Variants in TMIGD3 observed in about 807,000 individuals in gnomAD.
TMIGD3 encodes the protein transmembrane and immunoglobulin domain containing 3, also known as AD026 protein (AD026).
Under a neutral mutation model 28.1 loss-of-function variants are expected in TMIGD3, and 21 were observed. That is an observed-to-expected ratio of 0.75 (90% CI 0.53 to 1.08). The LOEUF (loss-of-function observed/expected upper bound fraction) is 1.08. Among genes scored for constraint, TMIGD3 ranks in the 50% least tolerant of loss-of-function variants. TMIGD3 has a pLI of 0.00. For missense variants in TMIGD3, 416 were observed against 435.6 expected (o/e 0.96, Z 0.40); for synonymous variants, 151 against 162.1 (o/e 0.93, Z 0.52).
At chr1:111,501,398 A>G (rs2100979481) in intron 1 of TMIGD3, 1 of 152,340 alleles carries the variant, frequency 6.6e-6, no homozygotes, top group East Asian at 1.9e-4. Flanking sequence ...ATAGTTAAGT[A>G]TCAGTAGATT....
intron 4 of TMIGD3, 74 bp from the exon 5 acceptor site, chr1:111,485,914 T>G (rs574298378): frequency 8.1e-7 from 1 of 1,238,414 alleles, no homozygotes; most frequent in Non-Finnish European, 1.2e-6. Context: ...GGATCCCTTT[T>G]TCTGGGATTT....
intron 3 of TMIGD3, among the ~76,000 whole-genome samples, chr1:111,487,935 G>A (rs1042629863): frequency 6.6e-6 from 1 of 151,578 alleles, no homozygotes; most frequent in African/African-American, 2.4e-5. Flanking sequence ...CTCCTGAGTA[G>A]CTGGGACTAC....
chr1:111,523,795 G>T lies in TMIGD3; in HGVS notation c.108-33033C>A, dbSNP rs141664225. On this transcript the variant is annotated intron_variant, in intron 1 of 5. Transcript: ENST00000369717. ...TATCCTTTCAGTGTGTGTGGGAGCC[G>T]TAGTTATGTGCCCTTTTTAATTCTT... Among the ~76,000 whole-genome samples the T allele has an allele frequency of 2.3e-3, 351 of 151,978 alleles. 3 individuals are homozygous for T. Among genetic ancestry groups the T allele is most frequent in the African/African-American group, 8.2e-3 (339 of 41,498 alleles).
intron 1 of TMIGD3, among the ~76,000 whole-genome samples, chr1:111,514,467 G>A (rs941939575): frequency 1.3e-5 from 2 of 152,070 alleles, no homozygotes; most frequent in Admixed American, 6.5e-5. Context: ...GGAAGTCAGG[G>A]AGGTCAAGCC....
chr1:111,555,177 C>T (rs568667561), intron 1 of TMIGD3, among the ~76,000 whole-genome samples: 75 of 151,692 alleles, frequency 4.9e-4, no homozygotes, highest in African/African-American at 1.7e-3. Context: ...ACTAGCCTGG[C>T]CAACGTGACA....
chr1:111,530,948 G>T (rs552854928), intron 1 of TMIGD3, among the ~76,000 whole-genome samples: 6 of 152,260 alleles, frequency 3.9e-5, no homozygotes, highest in African/African-American at 1.4e-4. Flanking sequence ...CTCCTTTAGA[G>T]AACTCTATTT....
intron 1 of TMIGD3, among the ~76,000 whole-genome samples, chr1:111,558,367 T>A (rs1016119940): frequency 1.4e-5 from 2 of 145,476 alleles, no homozygotes; most frequent in African/African-American, 5.2e-5. Context: ...TTTTTTTTTG[T>A]CTTAAGACAG....
intron 1 of TMIGD3, among the ~76,000 whole-genome samples, chr1:111,562,746 G>A (rs1362973048): frequency 1.3e-5 from 2 of 152,196 alleles, no homozygotes; most frequent in East Asian, 3.8e-4. Context: ...TGGATCAGGA[G>A]GCCATACACC....
chr1:111,500,398 G>A (rs780662146), intron 1 of TMIGD3: 5 of 1,614,190 alleles, frequency 3.1e-6, no homozygotes, highest in South Asian at 1.1e-5. Context: ...TCTCATGACG[G>A]AAACAAATTG....
Position 111,525,326 on chromosome 1 carries a change from G to A in TMIGD3, c.108-34564C>T, listed in dbSNP as rs148718919. The stretch of plus-strand genomic sequence containing the variant: ...TCTTCTTGCATTTCTAACAGTTTTC[G>A]TTTCATGTATTTTGAAGCTCTGTTA... On this transcript the variant is annotated intron_variant, in intron 1 of 5. Transcript: ENST00000369717. 9.8e-3 allele frequency among the ~76,000 whole-genome samples: 1,494 copies of A among 152,156 alleles called. 11 individuals are homozygous for A. Among genetic ancestry groups the A allele is most frequent in the Non-Finnish European group, 0.017 (1,123 of 68,000 alleles).
Position 111,503,451 on chromosome 1 carries a change from G to T in TMIGD3, c.-97C>A. ...AGCTCTCGCCAGACGTCTTCCCAGA[G>T]GTCCATGTGCAGTGACAGTCTAAAA... On this transcript the variant is annotated 5_prime_UTR_variant, in exon 1 of 6. Coordinates refer to ENST00000369716, the MANE Select transcript of TMIGD3 (RefSeq NM_020683.7). 1 of 1,483,680 alleles carries T rather than the reference G, an allele frequency of 6.7e-7. No homozygotes were observed. 91.9% of individuals were successfully genotyped at this position (1,483,680 alleles called of 1,614,324 possible).
At chr1:111,496,084 A>C (rs1654875680) in intron 1 of TMIGD3, among the ~76,000 whole-genome samples, 1 of 152,230 alleles carries the variant, frequency 6.6e-6, no homozygotes, top group Admixed American at 6.5e-5. Context: ...GTGATGAAAT[A>C]ATCTATACAA....
chr1:111,486,429 A>ATTTT, intron 4 of TMIGD3, among the ~76,000 whole-genome samples, 157 bp downstream of exon 4: 1 of 151,492 alleles, frequency 6.6e-6, no homozygotes. Context: ...GAGGAAACCA[A>ATTTT]ATACTCAGAT....
At chr1:111,522,663 C>T (rs907917020) in intron 1 of TMIGD3, among the ~76,000 whole-genome samples, 7 of 151,888 alleles carry the variant, frequency 4.6e-5, no homozygotes, top group African/African-American at 9.7e-5. Flanking sequence ...ATTACAGGCG[C>T]GTGCCACCAT....
chr1:111,508,163 C>T (rs923026343), upstream of TMIGD3, among the ~76,000 whole-genome samples: 1 of 152,158 alleles, frequency 6.6e-6, no homozygotes, highest in African/African-American at 2.4e-5. Flanking sequence ...AGGGGAGCTG[C>T]TCTGGGCGCT....
chr1:111,530,084 C>T (rs959677273), intron 1 of TMIGD3, among the ~76,000 whole-genome samples: 4 of 151,926 alleles, frequency 2.6e-5, no homozygotes, highest in African/African-American at 4.8e-5. Flanking sequence ...CGGGCAGAGG[C>T]GCCCCTCTGT....
At chr1:111,546,453 G>A (rs969098656) in intron 1 of TMIGD3, among the ~76,000 whole-genome samples, 10 of 151,908 alleles carry the variant, frequency 6.6e-5, no homozygotes, top group South Asian at 6.2e-4. Flanking sequence ...GGGAAGCATC[G>A]TTCTTCTCCT....
intron 1 of TMIGD3, among the ~76,000 whole-genome samples, chr1:111,510,136 G>A (rs1464256770): frequency 1.3e-5 from 2 of 152,208 alleles, no homozygotes; most frequent in African/African-American, 2.4e-5. Flanking sequence ...CTACTCTCCA[G>A]CTCCTGTCAA....
chr1:111,500,075 T>A (rs1188933798), intron 1 of TMIGD3: 4 of 1,614,242 alleles, frequency 2.5e-6, no homozygotes, highest in Non-Finnish European at 2.5e-6. Context: ...ACGATAGGGT[T>A]CATCATGGAG....
Sources: gnomAD v4.1 joint callset for allele counts (sites outside exome capture counted in the v4.1 genomes callset) on GRCh38, gnomAD v4.1.1 for gene constraint, MANE v1.5 for transcripts, NCBI Gene and HGNC (gene_info 2026-07-23, HGNC 2026-07-21) for gene names.